The following CLIP2 variants were observed in gnomAD, a reference collection of about 807,000 sequenced individuals.
CLIP2 encodes CAP-Gly domain containing linker protein 2.
Under a neutral mutation model 111.7 loss-of-function variants are expected in CLIP2, and 41 were observed. The observed-to-expected ratio is 0.37, with a 90% confidence interval of 0.29 to 0.48. The LOEUF (loss-of-function observed/expected upper bound fraction) is 0.48. Ranked by LOEUF, CLIP2 falls within the 20% of genes least tolerant of loss-of-function variation. The probability of loss-of-function intolerance (pLI) is 0.99; values close to 1 mark genes in which losing one functional copy is unlikely to be tolerated. For missense variants in CLIP2, 1,160 were observed against 1,422.1 expected (o/e 0.82, Z 2.96); for synonymous variants, 660 against 644.2 (o/e 1.02, Z -0.37).
intron 3 of CLIP2, among the ~76,000 whole-genome samples, chr7:74,352,198 G>A (rs1273342192): frequency 6.6e-6 from 1 of 152,152 alleles, no homozygotes; most frequent in African/African-American, 2.4e-5. Context: ...ACTTTGGGAG[G>A]CCAAGGCAGG....
Position 74,369,850 on chromosome 7 carries a change from G to A in CLIP2, c.1381-3082G>A, listed in dbSNP as rs1237105975. 3.8e-3 allele frequency among the ~76,000 whole-genome samples: 64 copies of A among 16,852 alleles called. 4 individuals are homozygous for A. Among genetic ancestry groups the A allele is most frequent in the Non-Finnish European group, 1.5e-3 (13 of 8,932 alleles). The allele number at this position is 16,852 out of a possible 152,430, so 11.1% of individuals were successfully genotyped here. On this transcript the variant is annotated intron_variant, in intron 8 of 16. Coordinates refer to ENST00000223398, the MANE Select transcript of CLIP2 (RefSeq NM_003388.5). ...AGCCTGAGTAACAGAGCGAGACTCT[G>A]CCTCAAAAAAAAAAAAAAAAAAAAA...
At chr7:74,317,867 G>A (rs984635036) in intron 2 of CLIP2, among the ~76,000 whole-genome samples, 200 bp downstream of exon 2, 6 of 152,202 alleles carry the variant, frequency 3.9e-5, no homozygotes, top group Admixed American at 2.0e-4. Context: ...GGGCGCTGAG[G>A]TCTGGAGGGT....
At chr7:74,314,802 G>A (rs748043309) in intron 1 of CLIP2, among the ~76,000 whole-genome samples, 19 of 152,242 alleles carry the variant, frequency 1.2e-4, no homozygotes, top group Non-Finnish European at 1.8e-4. Context: ...GTATAGGATA[G>A]TGGGGAAGAG....
In CLIP2 at chr7:74,346,820, G is replaced by A. The variant is rs532692832; in HGVS notation, c.679-7060G>A. ...AAGCTGAGGTGGGAGGATTGCTTGA[G>A]CCCAGCAGTTCCAGACCAGCCTGGG... On this transcript the variant is annotated intron_variant, in intron 3 of 16. Transcript: ENST00000223398. Among the ~76,000 whole-genome samples the A allele has an allele frequency of 4.6e-5, 7 of 151,330 alleles. No individual in the cohort carries two copies. The East Asian group carries it at 9.7e-4, about 21-fold the overall frequency.
chr7:74,402,240 T>G (rs190985881), intron 16 of CLIP2, among the ~76,000 whole-genome samples: 4 of 140,436 alleles, frequency 2.8e-5, no homozygotes, highest in East Asian at 4.3e-4. Flanking sequence ...TGAGGCAGGA[T>G]AATGGCATGA....
At position 74,376,822 on chromosome 7, in the gene CLIP2, C is replaced by G. The variant is rs547091070; in HGVS notation, c.2421C>G (p.His807Gln). The G allele has an allele frequency of 2.8e-5, 44 of 1,576,024 alleles. No individual in the cohort carries two copies. In the Admixed American group the frequency reaches 2.9e-4, roughly 11 times the overall value. ...CCCTGTGCTCCTCCCAGCACACCCA[C>G]GTAGGCGCCTGCCCCTCCTGCTGGG... ...VEALCSSQHT[H>Q]MIESNDISEE... The change falls in exon 10 of 17, where the codon CAC (histidine) becomes CAG (glutamine). Residue 807 changes from histidine (H) to glutamine (Q), a missense_variant and splice_region_variant. Physicochemically the swap from His to Gln is conservative, Grantham distance 24 (BLOSUM62 0). Transcript: ENST00000223398. The surrounding 1 kb of genome is among the most constrained non-coding windows in gnomAD (Gnocchi z 7.1).
At position 74,338,605 on chromosome 7, in the gene CLIP2, C is replaced by G; in HGVS notation, c.279C>G (p.Gly93=). The G allele has an allele frequency of 6.4e-7, 1 of 1,567,084 alleles. No individual in the cohort carries two copies. The highest frequency in any genetic ancestry group is 8.6e-7 in the Non-Finnish European group (1 of 1,157,568). The change falls in exon 3 of 17, where the codon GGC becomes GGG. Residue 93 remains glycine (G), a synonymous_variant. Coordinates refer to ENST00000223398, the MANE Select transcript of CLIP2 (RefSeq NM_003388.5). This position sits in a 1 kb window ranked among gnomAD's most constrained non-coding sequence, Gnocchi z 4.3. ...TGTGGGTGAACGGCGTGAAGCCAGG[C>G]GTGGTGCAGTATCTGGGAGAGACGC... ...ERVWVNGVKP[G]VVQYLGETQF...
chr7:74,340,844 T>C (rs1216697599), intron 3 of CLIP2, among the ~76,000 whole-genome samples: 2 of 152,072 alleles, frequency 1.3e-5, no homozygotes, highest in African/African-American at 4.8e-5. Flanking sequence ...TCTGCAAGGC[T>C]TCCTGGGGGA....
At chr7:74,363,745 G>A (rs1405679785) in intron 7 of CLIP2, among the ~76,000 whole-genome samples, 1 of 151,948 alleles carries the variant, frequency 6.6e-6, no homozygotes, top group Non-Finnish European at 1.5e-5. Context: ...ATTTTTTATT[G>A]AGGTTGCATG....
At chr7:74,294,860 G>A (rs945624086) in intron 1 of CLIP2, among the ~76,000 whole-genome samples, 2 of 152,166 alleles carry the variant, frequency 1.3e-5, no homozygotes, top group Non-Finnish European at 2.9e-5. Flanking sequence ...GCTGGGCAAC[G>A]GCTGCATATT....
chr7:74,366,242 T>C (rs781895260), intron 8 of CLIP2, among the ~76,000 whole-genome samples: 46 of 151,808 alleles, frequency 3.0e-4, no homozygotes, highest in Non-Finnish European at 5.7e-4. Flanking sequence ...AACTACACAA[T>C]GAGATGCCCC....
chr7:74,401,507 C>G lies in CLIP2; in HGVS notation c.3069C>G (p.Thr1023=). 1.2e-6 allele frequency: 2 copies of G among 1,614,062 alleles called. No homozygotes were observed. The highest frequency in any genetic ancestry group is 1.7e-6 in the Non-Finnish European group (2 of 1,179,970). The stretch of plus-strand genomic sequence containing the variant: ...AGTGTCTCCCCTAACTCTTCCAGAC[C>G]ATCGGCAATTCCGGTTCTGCAAACG... ...AMRSCPDKAQ[T]IGNSGSANGI... Residue 1023 remains threonine, a splice_region_variant and synonymous_variant, in exon 16 of 17, where the codon ACC becomes ACG. Transcript: ENST00000223398.
At chr7:74,351,414 G>C (rs1438463329) in intron 3 of CLIP2, among the ~76,000 whole-genome samples, 1 of 126,428 alleles carries the variant, frequency 7.9e-6, no homozygotes, top group Non-Finnish European at 1.5e-5. Flanking sequence ...TCACGCCACT[G>C]CATTCCAGTG....
At chr7:74,352,821 C>G (rs1383429429) in intron 3 of CLIP2, among the ~76,000 whole-genome samples, 1 of 151,938 alleles carries the variant, frequency 6.6e-6, no homozygotes, top group Admixed American at 6.6e-5. Flanking sequence ...CCAGCTCAGG[C>G]AACATATCAA....
At chr7:74,348,706 C>T (rs775186317) in intron 3 of CLIP2, among the ~76,000 whole-genome samples, 78 of 149,044 alleles carry the variant, frequency 5.2e-4, no homozygotes, top group Non-Finnish European at 8.7e-4. Context: ...AGGAGAATGG[C>T]ATGAACCCAG....
In CLIP2 at chr7:74,356,551, C is replaced by A. The variant is rs1790151826; in HGVS notation, c.945C>A (p.Pro315=). 6.2e-7 allele frequency: 1 copy of A among 1,614,182 alleles called. No individual in the cohort carries two copies. The highest frequency in any genetic ancestry group is 1.3e-5 in the African/African-American group (1 of 75,048). ...GTGTGTCAGCACTGACCCACAGTCC[C>A]AGCAGTTCCTCCATCAGCTCCGTCA... ...AMGVSALTHS[P]SSSSISSVSS... is the part of the protein sequence containing the mutation. The change falls in exon 5 of 17, where the codon CCC becomes CCA. Residue 315 remains proline, a synonymous_variant. Coordinates refer to ENST00000223398, the MANE Select transcript of CLIP2 (RefSeq NM_003388.5).
At chr7:74,402,443 G>A (rs1184926234) in intron 16 of CLIP2, among the ~76,000 whole-genome samples, 1 of 152,052 alleles carries the variant, frequency 6.6e-6, no homozygotes, top group Non-Finnish European at 1.5e-5. Flanking sequence ...CTTGAACCTG[G>A]CAGGTGGAGG....
At chr7:74,381,096 T>A in intron 11 of CLIP2, 1 of 372,492 alleles carries the variant, frequency 2.7e-6, no homozygotes, top group Non-Finnish European at 4.8e-6. Context: ...TGAAACAGAT[T>A]TAACGGAATA....
At chr7:74,383,871 C>G (rs1163113160) in intron 11 of CLIP2, among the ~76,000 whole-genome samples, 1 of 152,136 alleles carries the variant, frequency 6.6e-6, no homozygotes, top group Non-Finnish European at 1.5e-5. Flanking sequence ...AAAAGGAGAA[C>G]CCATACCCAC....
Sources: allele counts gnomAD v4.1 joint callset (sites outside exome capture counted in the v4.1 genomes callset), GRCh38; gene constraint gnomAD v4.1.1; non-coding constraint Gnocchi (gnomAD v3.1); transcripts MANE v1.5; gene names NCBI Gene and HGNC (gene_info 2026-07-23, HGNC 2026-07-21).